Variants in CCSER1 observed in about 807,000 individuals in gnomAD.
CCSER1 encodes coiled-coil serine rich protein 1, also known as serine-rich coiled-coil domain-containing protein 1.
In CCSER1, 41 loss-of-function variants were observed where a neutral mutation model predicts 82.0. The observed-to-expected ratio is 0.50, with a 90% CI of 0.39 to 0.65. CCSER1 has a LOEUF of 0.65. CCSER1 is among the 30% of genes least tolerant of loss of function. The pLI, the probability that CCSER1 is intolerant of heterozygous loss-of-function variation, is 0.00. For synonymous variants in CCSER1, 414 were observed against 383.9 expected (o/e 1.08, Z -0.92); for missense variants, 1,119 against 1,064.2 (o/e 1.05, Z -0.72).
At chr4:91,193,800 A>G (rs927663777) in intron 10 of CCSER1, among the ~76,000 whole-genome samples, 9 of 146,320 alleles carry the variant, frequency 6.2e-5, no homozygotes, top group African/African-American at 2.3e-4. Flanking sequence ...TTCTAATTCA[A>G]ATCTTCCTGT....
chr4:90,201,719 G>T (rs1578459108), intron 1 of CCSER1, among the ~76,000 whole-genome samples: 1 of 152,168 alleles, frequency 6.6e-6, no homozygotes, highest in African/African-American at 2.4e-5. Flanking sequence ...TCAGGATAAG[G>T]TTAGAATTAC....
chr4:90,893,983 T>C (rs1052212486), intron 8 of CCSER1, among the ~76,000 whole-genome samples: 3 of 152,044 alleles, frequency 2.0e-5, no homozygotes, highest in Non-Finnish European at 4.4e-5. Flanking sequence ...TGAAAATCTA[T>C]GTTTAACTTA....
chr4:91,387,973 A>T (rs1460671726), intron 10 of CCSER1, among the ~76,000 whole-genome samples: 2 of 152,146 alleles, frequency 1.3e-5, no homozygotes, highest in Non-Finnish European at 2.9e-5. Context: ...AGCAATTCTA[A>T]TAAAGTAACA....
chr4:90,896,561 G>A (rs1723746965), intron 8 of CCSER1, among the ~76,000 whole-genome samples: 1 of 151,880 alleles, frequency 6.6e-6, no homozygotes, highest in African/African-American at 2.4e-5. Flanking sequence ...TAAAGTTAGT[G>A]TACATACAGC....
intron 1 of CCSER1, among the ~76,000 whole-genome samples, chr4:90,205,404 G>A (rs1426019895): frequency 1.3e-5 from 2 of 152,054 alleles, no homozygotes; most frequent in South Asian, 2.1e-4. Flanking sequence ...TAGCATGAAG[G>A]GGTGTTGAAG....
At chr4:90,603,794 TA>T (rs1184337374) in intron 5 of CCSER1, among the ~76,000 whole-genome samples, 5 of 152,080 alleles carry the variant, frequency 3.3e-5, no homozygotes, top group Admixed American at 6.5e-5. Flanking sequence ...GGAGTAACTG[TA>T]GGAGAAGGGA....
intron 10 of CCSER1, among the ~76,000 whole-genome samples, chr4:91,366,474 T>G (rs769857224): frequency 6.6e-6 from 1 of 152,232 alleles, no homozygotes; most frequent in African/African-American, 2.4e-5. Flanking sequence ...AGTCATAATT[T>G]TTAATATCAT....
Position 90,463,947 on chromosome 4 carries a change from G to A in CCSER1, c.1604-4287G>A, listed in dbSNP as rs185402101. Among the ~76,000 whole-genome samples, 8 of 151,892 alleles carry A rather than the reference G, an allele frequency of 5.3e-5. No homozygotes were observed. In the East Asian group the frequency reaches 5.8e-4, roughly 11 times the overall value. On this transcript the variant is annotated intron_variant, in intron 4 of 10. Coordinates refer to ENST00000509176, the MANE Select transcript of CCSER1 (RefSeq NM_001145065.2). ...CAATGATTTTATAAATTAAAAAAAC[G>A]ATAGAAATTCAGTTATTAAATAAAA...
At chr4:91,489,556 G>A (rs913854856) in intron 10 of CCSER1, among the ~76,000 whole-genome samples, 3 of 152,098 alleles carry the variant, frequency 2.0e-5, no homozygotes, top group Non-Finnish European at 4.4e-5. Context: ...TGTAATACCA[G>A]CACTGTGGGA....
At chr4:90,448,942 A>G (rs1015654075) in intron 4 of CCSER1, among the ~76,000 whole-genome samples, 1 of 152,148 alleles carries the variant, frequency 6.6e-6, no homozygotes, top group Non-Finnish European at 1.5e-5. Flanking sequence ...TATGCAGACA[A>G]CTGGAGGGTG....
Position 90,132,859 on chromosome 4 carries a change from T to G in CCSER1, c.-42+5028T>G, listed in dbSNP as rs138615967. On this transcript the variant is annotated intron_variant, in intron 1 of 10. Transcript: ENST00000509176. ...GATTAAAAGTTTTGAATTTTTAAAC[T>G]GTGCTTTGATACTAAATACAGTCCA... 4.0e-3 allele frequency among the ~76,000 whole-genome samples: 615 copies of G among 152,356 alleles called. 6 individuals carry two copies. The highest frequency in any genetic ancestry group is 0.014 in the African/African-American group (572 of 41,592).
chr4:91,320,298 A>G (rs1157691938), intron 10 of CCSER1, among the ~76,000 whole-genome samples: 1 of 152,090 alleles, frequency 6.6e-6, no homozygotes, highest in Non-Finnish European at 1.5e-5. Context: ...GAGACCATGA[A>G]GAAGAAAAAA....
At chr4:90,782,028 A>G (rs1753848214) in intron 7 of CCSER1, 2 of 793,194 alleles carry the variant, frequency 2.5e-6, no homozygotes, top group Non-Finnish European at 1.5e-6. Context: ...TAGATTTAGT[A>G]CTGTGAAAGG....
intron 4 of CCSER1, among the ~76,000 whole-genome samples, chr4:90,428,569 G>A (rs1757847742): frequency 6.6e-6 from 1 of 151,800 alleles, no homozygotes; most frequent in African/African-American, 2.4e-5. Context: ...TTAAAAGGAA[G>A]ATAAAATGTA....
At chr4:90,260,347 C>G (rs1272489493) in intron 1 of CCSER1, among the ~76,000 whole-genome samples, 6 of 152,130 alleles carry the variant, frequency 3.9e-5, no homozygotes, top group African/African-American at 1.4e-4. Flanking sequence ...GTCTAGTGTT[C>G]TGTGGAGTAT....
At chr4:91,245,924 A>G (rs1739739277) in intron 10 of CCSER1, among the ~76,000 whole-genome samples, 1 of 152,094 alleles carries the variant, frequency 6.6e-6, no homozygotes, top group South Asian at 2.1e-4. Context: ...TGGAACTCCC[A>G]ACCTCAGGTG....
At chr4:91,121,745 A>T (rs1727108874) in intron 10 of CCSER1, among the ~76,000 whole-genome samples, 1 of 151,666 alleles carries the variant, frequency 6.6e-6, no homozygotes, top group Non-Finnish European at 1.5e-5. Context: ...AAAAGAAAGT[A>T]TTATAAAATA....
chr4:91,292,172 C>T (rs1743799796), intron 10 of CCSER1, among the ~76,000 whole-genome samples: 1 of 151,948 alleles, frequency 6.6e-6, no homozygotes, highest in African/African-American at 2.4e-5. Context: ...CAGAACACAG[C>T]TTGTTTGAGG....
chr4:91,093,258 A>C (rs917564663), intron 10 of CCSER1, among the ~76,000 whole-genome samples: 20 of 152,014 alleles, frequency 1.3e-4, no homozygotes, highest in African/African-American at 4.3e-4. Context: ...TCCACGTATA[A>C]CTCCCAGTCC....
Sources: gnomAD v4.1 joint callset for allele counts (sites outside exome capture counted in the v4.1 genomes callset) on GRCh38, gnomAD v4.1.1 for gene constraint, MANE v1.5 for transcripts, NCBI Gene and HGNC (gene_info 2026-07-23, HGNC 2026-07-21) for gene names.